PHLPP1: variants seen among roughly 807,000 people sequenced by gnomAD.
PHLPP1 encodes PH domain and leucine rich repeat protein phosphatase 1, also known as PH domain leucine-rich repeat-containing protein phosphatase 1.
Under a neutral mutation model 117.2 loss-of-function variants are expected in PHLPP1, and 42 were observed. The ratio of observed to expected loss-of-function variants is 0.36; its 90% CI spans 0.28 to 0.46. The LOEUF is 0.46. Among genes scored for constraint, PHLPP1 ranks in the 20% least tolerant of loss-of-function variants. The pLI is 1.00. For missense variants in PHLPP1, 2,084 were observed against 2,241.9 expected (o/e 0.93, Z 1.42); for synonymous variants, 1,042 against 970.7 (o/e 1.07, Z -1.37).
intron 13 of PHLPP1, among the ~76,000 whole-genome samples, chr18:62,959,678 T>TC (rs1392984569): frequency 6.6e-6 from 1 of 152,190 alleles, no homozygotes; most frequent in African/African-American, 2.4e-5. Flanking sequence ...AAAGTCATCT[T>TC]CCATTATCTT....
chr18:62,740,668 G>C (rs1228809489), intron 1 of PHLPP1, among the ~76,000 whole-genome samples: 11 of 152,236 alleles, frequency 7.2e-5, no homozygotes, highest in Middle Eastern at 3.4e-3. Context: ...CATTATTTTA[G>C]TTTTTCTTAA....
intron 1 of PHLPP1, among the ~76,000 whole-genome samples, chr18:62,803,288 G>C (rs905005824): frequency 6.6e-6 from 1 of 152,026 alleles, no homozygotes; most frequent in Admixed American, 6.5e-5. Context: ...CATTCAGAAA[G>C]GTATGCAAGT....
intron 3 of PHLPP1, among the ~76,000 whole-genome samples, chr18:62,852,310 A>C (rs1048825319): frequency 6.6e-6 from 1 of 152,134 alleles, no homozygotes; most frequent in Non-Finnish European, 1.5e-5. Context: ...TTTTATTGGA[A>C]CATTATGAAG....
At chr18:62,836,480 TAAATA>T (rs902398854) in intron 2 of PHLPP1, among the ~76,000 whole-genome samples, 11 of 93,094 alleles carry the variant, frequency 1.2e-4, no homozygotes, top group African/African-American at 4.4e-4. Flanking sequence ...AATAAATAAA[TAAATA>T]AAAATAAATT....
At chr18:62,951,027 G>T (rs1240118495) in intron 12 of PHLPP1, among the ~76,000 whole-genome samples, 1 of 151,524 alleles carries the variant, frequency 6.6e-6, no homozygotes, top group African/African-American at 2.4e-5. Flanking sequence ...TGTTGCCCAG[G>T]CTGGAGTGCA....
At position 62,977,267 on chromosome 18, in the gene PHLPP1, A is replaced by G. The variant is rs1212675465; in HGVS notation, c.3985-995A>G. Among the ~76,000 whole-genome samples the G allele has an allele frequency of 5.3e-5, 8 of 152,220 alleles. No homozygotes were observed. The South Asian group carries it at 1.2e-3, about 24-fold the overall frequency. On this transcript the variant is annotated intron_variant, in intron 16 of 16. Transcript: ENST00000262719. ...GGGAAGTGGTAGGACTGGAAAGGAA[A>G]TGGATATTCTGTGGAAGAAACACTT...
chr18:62,916,477 A>G (rs369299323), intron 9 of PHLPP1, among the ~76,000 whole-genome samples: 16 of 151,932 alleles, frequency 1.1e-4, no homozygotes, highest in Admixed American at 3.3e-4. Context: ...TGTTAATTTC[A>G]TTATGTTCTG....
At chr18:62,797,922 A>G (rs1323025311) in intron 1 of PHLPP1, among the ~76,000 whole-genome samples, 1 of 152,230 alleles carries the variant, frequency 6.6e-6, no homozygotes, top group Admixed American at 6.5e-5. Context: ...GAAGGCATAT[A>G]GGGCCATGTA....
rs200141250 is a variant in PHLPP1, at chr18:62,892,082, CTTTTTTTTTT to C, written c.2067-2912_2067-2903del. On this transcript the variant is annotated intron_variant, in intron 4 of 16. Coordinates refer to ENST00000262719, the MANE Select transcript of PHLPP1 (RefSeq NM_194449.4). ...TTTTCTTTCTTTTCTTTCTTTCTTTCTTTTTTTTTTTTTTTTTTTTTTTTTTACGGAGTTT... is the reference window on the plus strand; with the variant it reads ...TTTTCTTTCTTTTCTTTCTTTCTTTCTTTTTTTTTTTTTTTTACGGAGTTT... 1.0e-4 allele frequency among the ~76,000 whole-genome samples: 11 copies of C among 107,964 alleles called. 1 individual carries two copies. Among genetic ancestry groups the C allele is most frequent in the South Asian group, 9.8e-4 (3 of 3,072 alleles). The allele number at this position is 107,964 out of a possible 152,430, so 70.8% of individuals were successfully genotyped here.
At chr18:62,895,247 T>TA (rs1438240693) in intron 5 of PHLPP1, 90 bp downstream of exon 5, 1 of 1,335,410 alleles carries the variant, frequency 7.5e-7, no homozygotes, top group Admixed American at 1.9e-5. Context: ...GTTAACTTGT[T>TA]ATGTTGCTCA....
At chr18:62,915,901 G>A (rs1196683514) in intron 9 of PHLPP1, among the ~76,000 whole-genome samples, 1 of 152,144 alleles carries the variant, frequency 6.6e-6, no homozygotes, top group African/African-American at 2.4e-5. Context: ...CCTCAACCCA[G>A]GTCTTATTAT....
intron 1 of PHLPP1, among the ~76,000 whole-genome samples, chr18:62,825,103 C>T (rs532500384): frequency 1.9e-3 from 289 of 151,926 alleles, no homozygotes; most frequent in Non-Finnish European, 2.8e-3. Flanking sequence ...GGACTATGGG[C>T]GCCTGCCACC....
At chr18:62,783,431 T>C (rs985888881) in intron 1 of PHLPP1, among the ~76,000 whole-genome samples, 5 of 152,238 alleles carry the variant, frequency 3.3e-5, no homozygotes, top group East Asian at 1.9e-4. Flanking sequence ...GGTTTCACCA[T>C]GTTAGCCAGG....
chr18:62,808,379 T>C (rs2144308605), intron 1 of PHLPP1, among the ~76,000 whole-genome samples: 1 of 152,194 alleles, frequency 6.6e-6, no homozygotes, highest in Non-Finnish European at 1.5e-5. Context: ...GGGCTGGAGA[T>C]AGAAATTGGG....
intron 14 of PHLPP1, among the ~76,000 whole-genome samples, chr18:62,970,094 T>A (rs1219789993): frequency 6.6e-6 from 1 of 152,212 alleles, no homozygotes; most frequent in Admixed American, 6.5e-5. Flanking sequence ...TCTTTATTTA[T>A]TCTTATTCTA....
intron 1 of PHLPP1, among the ~76,000 whole-genome samples, chr18:62,725,184 C>A (rs1911032873): frequency 6.6e-6 from 1 of 151,860 alleles, no homozygotes; most frequent in South Asian, 2.1e-4. Flanking sequence ...CATGGTGAAA[C>A]CCTGTCTCTA....
chr18:62,891,579 C>T (rs1916409260), intron 4 of PHLPP1, among the ~76,000 whole-genome samples: 2 of 151,482 alleles, frequency 1.3e-5, no homozygotes, highest in Admixed American at 1.3e-4. Flanking sequence ...AGCTAGACTC[C>T]GTCTCAAAAA....
chr18:62,881,657 A>G (rs1916177593), intron 4 of PHLPP1, among the ~76,000 whole-genome samples: 1 of 152,220 alleles, frequency 6.6e-6, no homozygotes, highest in South Asian at 2.1e-4. Context: ...CCACATTAGC[A>G]TCCGTGCACT....
intron 13 of PHLPP1, among the ~76,000 whole-genome samples, chr18:62,959,949 G>T (rs571810769): frequency 6.6e-6 from 1 of 151,854 alleles, no homozygotes; most frequent in East Asian, 1.9e-4. Flanking sequence ...ATGAAACCTC[G>T]GCCTAAACCC....
Sources: allele counts gnomAD v4.1 joint callset (sites outside exome capture counted in the v4.1 genomes callset), GRCh38; gene constraint gnomAD v4.1.1; transcripts MANE v1.5; gene names NCBI Gene and HGNC (gene_info 2026-07-23, HGNC 2026-07-21).